The following SNX8 variants were observed in gnomAD, a reference collection of about 807,000 sequenced individuals.
The protein encoded by SNX8 is sorting nexin-8.
A neutral mutation model predicts 51.6 loss-of-function variants in SNX8; 25 were observed. That is an observed-to-expected ratio of 0.48 (90% confidence interval 0.35 to 0.68). SNX8 has a LOEUF of 0.68. SNX8 is among the 30% of genes least tolerant of loss of function. SNX8 has a pLI of 0.00. For synonymous variants in SNX8, 324 were observed against 277.0 expected (o/e 1.17, Z -1.68); for missense variants, 695 against 624.0 (o/e 1.11, Z -1.21).
At position 2,278,045 on chromosome 7, in the gene SNX8, G is replaced by A. The variant is rs1795821781; in HGVS notation, c.300+55C>T. ...CACCACTCCTGCCCTGAGATGTTGA[G>A]ACGTGACCCTTTCTTCCCCCTCCTG... On this transcript the variant is annotated intron_variant, in intron 2 of 10. Transcript: ENST00000222990. The A allele has an allele frequency of 3.2e-6, 5 of 1,582,766 alleles. No homozygotes were observed. The Admixed American group carries it at 8.5e-5, about 27-fold the overall frequency.
At chr7:2,268,548 T>A (rs1351213001) in intron 5 of SNX8, among the ~76,000 whole-genome samples, 1 of 116,116 alleles carries the variant, frequency 8.6e-6, no homozygotes, top group Non-Finnish European at 1.8e-5. Flanking sequence ...GGGAGGGAGG[T>A]GGGGGGGTCA....
At chr7:2,292,579 T>C (rs1269406903) in intron 1 of SNX8, among the ~76,000 whole-genome samples, 3 of 151,750 alleles carry the variant, frequency 2.0e-5, no homozygotes, top group Admixed American at 6.6e-5. Context: ...ACCCGGCTAA[T>C]TTTTTGTATT....
At chr7:2,259,476 A>G (rs1795284156) in intron 7 of SNX8, among the ~76,000 whole-genome samples, 2 of 152,224 alleles carry the variant, frequency 1.3e-5, no homozygotes, top group Admixed American at 6.5e-5. Context: ...GGCAGGCAGA[A>G]GTGGATGGAA....
At chr7:2,335,020 A>C (rs1203790199) in intron 1 of SNX8, among the ~76,000 whole-genome samples, 1 of 151,750 alleles carries the variant, frequency 6.6e-6, no homozygotes, top group Non-Finnish European at 1.5e-5. Flanking sequence ...ATGTGGTGAA[A>C]CCCAGTCTCT....
chr7:2,285,346 G>A (rs558230023), intron 1 of SNX8, among the ~76,000 whole-genome samples: 10 of 152,236 alleles, frequency 6.6e-5, no homozygotes, highest in East Asian at 3.9e-4. Context: ...CCAAGTTCGC[G>A]CCACTGCATT....
chr7:2,333,186 T>C (rs1011264169), intron 1 of SNX8, among the ~76,000 whole-genome samples: 3 of 151,600 alleles, frequency 2.0e-5, no homozygotes, highest in African/African-American at 7.3e-5. Context: ...AGTGCTGGGA[T>C]TACAGGTGTG....
At chr7:2,296,733 C>G (rs926819572) in intron 1 of SNX8, among the ~76,000 whole-genome samples, 3 of 151,732 alleles carry the variant, frequency 2.0e-5, no homozygotes, top group Admixed American at 6.6e-5. Context: ...GAGTTCGAGA[C>G]CAGCCTAGCC....
chr7:2,313,190 T>C lies in SNX8; in HGVS notation c.94+1138A>G, dbSNP rs930205397. ...CTGAGATTACAAGCGTGAGCCACCGTGCCCAGCCATGTTTAGCCTCATTAA... is the reference window on the plus strand; with the variant it reads ...CTGAGATTACAAGCGTGAGCCACCGCGCCCAGCCATGTTTAGCCTCATTAA... On this transcript the variant is annotated intron_variant, in intron 1 of 10. Coordinates refer to ENST00000222990, the MANE Select transcript of SNX8 (RefSeq NM_013321.4). Among the ~76,000 whole-genome samples, 11 of 151,862 alleles carry C rather than the reference T, an allele frequency of 7.2e-5. 1 individual carries two copies. The highest frequency in any genetic ancestry group is 6.2e-4 in the South Asian group (3 of 4,812).
chr7:2,345,700 A>T (rs1006993374), intron 1 of SNX8, among the ~76,000 whole-genome samples: 1 of 151,868 alleles, frequency 6.6e-6, no homozygotes, highest in South Asian at 2.1e-4. Flanking sequence ...AAAGAAGAAG[A>T]AATGTGAATA....
upstream of SNX8, among the ~76,000 whole-genome samples, chr7:2,316,218 C>G (rs964782542): frequency 1.3e-5 from 2 of 151,744 alleles, no homozygotes; most frequent in Non-Finnish European, 2.9e-5. Context: ...CACCCACTCA[C>G]TCACTGCATC....
At chr7:2,353,075 C>T (rs1365456035) in intron 1 of SNX8, among the ~76,000 whole-genome samples, 1 of 152,132 alleles carries the variant, frequency 6.6e-6, no homozygotes, top group African/African-American at 2.4e-5. Flanking sequence ...AGGAAGACTG[C>T]TTGAGGCCAG....
chr7:2,345,690 AAAG>A (rs1480553494), intron 1 of SNX8, among the ~76,000 whole-genome samples: 14 of 152,036 alleles, frequency 9.2e-5, no homozygotes, highest in Middle Eastern at 3.4e-3. Context: ...CAAAAAAAAA[AAAG>A]AAGAAGAAAT....
rs1796332643 is a variant in SNX8, at chr7:2,298,941, C to A, written c.94+15387G>T. Among the ~76,000 whole-genome samples, 3 of 152,272 alleles carry A rather than the reference C, an allele frequency of 2.0e-5. No individual in the cohort carries two copies. The South Asian group carries it at 6.2e-4, about 32-fold the overall frequency. On this transcript the variant is annotated intron_variant, in intron 1 of 10. Transcript: ENST00000222990. ...CTCCTGACCTCAAGTGATCCTCCCA[C>A]CTCGGCCTCCTAAAGTGCTGGGATT...
chr7:2,274,990 T>A, intron 3 of SNX8, 122 bp downstream of exon 3: 1 of 566,102 alleles, frequency 1.8e-6, no homozygotes, highest in South Asian at 1.8e-5. Context: ...AAGGCTGGAG[T>A]TTCCCCCGCA....
intron 1 of SNX8, among the ~76,000 whole-genome samples, chr7:2,343,254 G>C (rs1455584770): frequency 1.3e-5 from 2 of 151,510 alleles, no homozygotes; most frequent in Non-Finnish European, 2.9e-5. Flanking sequence ...ATATTAATTT[G>C]GCCATTTAGT....
intron 1 of SNX8, among the ~76,000 whole-genome samples, chr7:2,353,247 G>C (rs761815607): frequency 1.8e-4 from 27 of 152,088 alleles, no homozygotes; most frequent in Non-Finnish European, 3.5e-4. Context: ...GGCCCTGCGC[G>C]GTGGTTCACG....
chr7:2,341,413 C>T (rs1291273410), intron 1 of SNX8, among the ~76,000 whole-genome samples: 4 of 151,610 alleles, frequency 2.6e-5, no homozygotes, highest in Admixed American at 1.3e-4. Context: ...GCAGGAGAAT[C>T]GCTAGAACCC....
intron 2 of SNX8, among the ~76,000 whole-genome samples, chr7:2,277,401 G>A (rs1285859471): frequency 1.3e-5 from 2 of 152,166 alleles, no homozygotes; most frequent in Non-Finnish European, 2.9e-5. Flanking sequence ...GTCCGGAGTC[G>A]ATGGGGCTGA....
In SNX8 at chr7:2,348,363, CAG is replaced by C. The variant is rs1327591539; in HGVS notation, c.-66+5857_-66+5858del. Among the ~76,000 whole-genome samples the C allele has an allele frequency of 9.0e-5, 11 of 121,730 alleles. No homozygotes were observed. The East Asian group carries it at 2.0e-3, about 23-fold the overall frequency. 79.9% of individuals were successfully genotyped at this position (121,730 alleles called of 152,430 possible). On this transcript the variant is annotated intron_variant, in intron 1 of 5. Transcript: ENST00000435336. ...CTTTTTTTTTTTTTTTTTTTTGAGACAGAGTCTCGCTCTGTCGCCCAGGCTGG... is the reference window on the plus strand; with the variant it reads ...CTTTTTTTTTTTTTTTTTTTTGAGACAGTCTCGCTCTGTCGCCCAGGCTGG...
Sources: allele counts gnomAD v4.1 joint callset (sites outside exome capture counted in the v4.1 genomes callset), GRCh38; gene constraint gnomAD v4.1.1; transcripts MANE v1.5; gene names NCBI Gene and HGNC (gene_info 2026-07-23, HGNC 2026-07-21).